Variants in CELF4 observed in about 807,000 individuals in gnomAD.
The protein encoded by CELF4 is CUGBP Elav-like family member 4, also known as CUG-BP- and ETR-3-like factor 4.
Under a neutral mutation model 59.9 loss-of-function variants are expected in CELF4, and 18 were observed. The observed-to-expected ratio is 0.30, with a 90% confidence interval of 0.21 to 0.45. CELF4 has a LOEUF of 0.45. Among genes scored for constraint, CELF4 ranks in the 20% least tolerant of loss-of-function variants. The probability of loss-of-function intolerance (pLI) is 1.00; values close to 1 mark genes in which losing one functional copy is unlikely to be tolerated. For missense variants in CELF4, 456 were observed against 689.0 expected (o/e 0.66, Z 3.79); for synonymous variants, 261 against 267.1 (o/e 0.98, Z 0.22).
At chr18:37,344,396 G>A (rs8092215) in intron 2 of CELF4, among the ~76,000 whole-genome samples, 2,162 of 152,358 alleles carry the variant, frequency 0.014, 62 homozygotes, top group African/African-American at 0.05. Context: ...GGGGTGCCAC[G>A]GGGCAGAGAC....
At chr18:37,266,643 T>C (rs770712272) in intron 8 of CELF4, 45 bp from the exon 9 acceptor site, 3 of 1,472,588 alleles carry the variant, frequency 2.0e-6, no homozygotes, top group Middle Eastern at 1.9e-4. Flanking sequence ...CCCACCACAC[T>C]GGCCCTTCCC....
intron 3 of CELF4, among the ~76,000 whole-genome samples, chr18:37,277,918 G>A (rs746628470): frequency 7.2e-5 from 11 of 152,176 alleles, no homozygotes; most frequent in South Asian, 2.1e-4. Flanking sequence ...GGAAGGGAAC[G>A]CACCTCCTCT....
intron 2 of CELF4, among the ~76,000 whole-genome samples, chr18:37,438,924 T>G (rs1418022589): frequency 6.6e-6 from 1 of 152,188 alleles, no homozygotes; most frequent in Non-Finnish European, 1.5e-5. Flanking sequence ...TTTAACCAGA[T>G]ATTCAGAAAG....
intron 2 of CELF4, among the ~76,000 whole-genome samples, chr18:37,416,339 T>C (rs1223153114): frequency 6.6e-6 from 1 of 152,060 alleles, no homozygotes; most frequent in Non-Finnish European, 1.5e-5. Flanking sequence ...ATGCAGATCC[T>C]CCCCCTGTCA....
intron 1 of CELF4, among the ~76,000 whole-genome samples, chr18:37,491,618 T>C (rs1032629033): frequency 6.6e-6 from 1 of 151,194 alleles, no homozygotes; most frequent in Non-Finnish European, 1.5e-5. Context: ...TGAAGGGAGA[T>C]TGGGAAAAGT....
At chr18:37,320,572 G>A (rs2097074167) in intron 3 of CELF4, among the ~76,000 whole-genome samples, 3 of 152,168 alleles carry the variant, frequency 2.0e-5, no homozygotes, top group African/African-American at 7.2e-5. Flanking sequence ...GCCTCTGTGG[G>A]AACTTGGGCT....
At chr18:37,271,551 T>C (rs1297705370) in intron 7 of CELF4, among the ~76,000 whole-genome samples, 1 of 152,196 alleles carries the variant, frequency 6.6e-6, no homozygotes, top group African/African-American at 2.4e-5. Context: ...CCACCGTACC[T>C]GGCCTTCCTT....
chr18:37,523,266 G>A (rs1359928212), intron 1 of CELF4, among the ~76,000 whole-genome samples: 1 of 152,218 alleles, frequency 6.6e-6, no homozygotes, highest in Non-Finnish European at 1.5e-5. Context: ...CAAAGTGACA[G>A]TTGACATGGA....
At position 37,274,359 on chromosome 18, in the gene CELF4, G is replaced by A; in HGVS notation, c.753C>T (p.Phe251=). 6.2e-7 allele frequency: 1 copy of A among 1,613,634 alleles called. No homozygotes were observed. Among genetic ancestry groups the A allele is most frequent in the South Asian group, 1.1e-5 (1 of 91,078 alleles). Residue 251 remains phenylalanine (F), a synonymous_variant, in exon 6 of 13, where the codon TTC becomes TTT. Coordinates refer to ENST00000420428, the MANE Select transcript of CELF4 (RefSeq NM_020180.4). ...CCCCGAAAGGGATGGCCATGGGGTT[G>A]AACATGCCCATCTGGCCAGCCATCT... The part of the protein sequence containing the change: ...MQQMAGQMGM[F]NPMAIPFGAY...
intron 3 of CELF4, among the ~76,000 whole-genome samples, chr18:37,310,378 C>T (rs987676983): frequency 6.6e-6 from 1 of 152,188 alleles, no homozygotes; most frequent in African/African-American, 2.4e-5. Flanking sequence ...CACATAACTC[C>T]CCTGCCCAAA....
At chr18:37,287,292 C>T (rs2094888435) in intron 3 of CELF4, among the ~76,000 whole-genome samples, 1 of 152,242 alleles carries the variant, frequency 6.6e-6, no homozygotes, top group African/African-American at 2.4e-5. Context: ...GGCACTGCGT[C>T]CCTGGCCCTC....
chr18:37,463,647 C>T (rs545693142), intron 2 of CELF4, among the ~76,000 whole-genome samples: 1 of 152,162 alleles, frequency 6.6e-6, no homozygotes, highest in Non-Finnish European at 1.5e-5. Context: ...ACTGCAGTGC[C>T]TTCACCCAGT....
chr18:37,405,817 C>G (rs1458614516), intron 2 of CELF4, among the ~76,000 whole-genome samples: 1 of 152,088 alleles, frequency 6.6e-6, no homozygotes, highest in African/African-American at 2.4e-5. Flanking sequence ...TTGTCTCTGT[C>G]TGTCCCCTTC....
chr18:37,332,777 G>T (rs2097588495), intron 2 of CELF4, among the ~76,000 whole-genome samples: 1 of 152,196 alleles, frequency 6.6e-6, no homozygotes, highest in Non-Finnish European at 1.5e-5. Flanking sequence ...AAATCACCAA[G>T]ATGGAACTGG....
intron 2 of CELF4, among the ~76,000 whole-genome samples, chr18:37,468,085 C>T (rs757051830): frequency 1.1e-4 from 17 of 152,194 alleles, no homozygotes; most frequent in Non-Finnish European, 1.9e-4. Flanking sequence ...TTTGCAAGTA[C>T]AATTTTATCC....
intron 1 of CELF4, among the ~76,000 whole-genome samples, chr18:37,559,466 T>C (rs1221727294): frequency 6.6e-6 from 1 of 152,204 alleles, no homozygotes; most frequent in Non-Finnish European, 1.5e-5. Flanking sequence ...TCAGCCACTG[T>C]AAACGGGCAC....
intron 7 of CELF4, among the ~76,000 whole-genome samples, chr18:37,271,254 CTT>C (rs34833771): frequency 3.5e-4 from 37 of 105,550 alleles, no homozygotes; most frequent in Admixed American, 9.3e-4. Flanking sequence ...TCCTTCAGTC[CTT>C]TTTTTTTTTT....
chr18:37,446,230 T>C (rs1183847063), intron 2 of CELF4, among the ~76,000 whole-genome samples: 3 of 152,184 alleles, frequency 2.0e-5, no homozygotes, highest in Non-Finnish European at 4.4e-5. Flanking sequence ...CATGCCACAC[T>C]TTTGAACCCT....
chr18:37,479,217 C>T (rs77132561), intron 2 of CELF4, among the ~76,000 whole-genome samples: 4,114 of 152,296 alleles, frequency 0.027, 135 homozygotes, highest in East Asian at 0.16. Context: ...GGAGCTTTTG[C>T]CTCTTCACAA....
Sources: gnomAD v4.1 joint callset for allele counts (sites outside exome capture counted in the v4.1 genomes callset) on GRCh38, gnomAD v4.1.1 for gene constraint, MANE v1.5 for transcripts, NCBI Gene and HGNC (gene_info 2026-07-23, HGNC 2026-07-21) for gene names.